ABTB3: variants seen among roughly 807,000 people sequenced by gnomAD.
The protein encoded by ABTB3 is ankyrin repeat- and BTB/POZ domain-containing protein 3.
the ABTB3 span, among the ~76,000 whole-genome samples, chr12:107,519,189 G>A: frequency 1.3e-5 from 2 of 152,228 alleles, no homozygotes; most frequent in African/African-American, 2.4e-5. Context: ...CTAAGCTGCA[G>A]GCCGGTTCTG....
chr12:107,649,214 G>T, the ABTB3 span: 6 of 1,612,588 alleles, frequency 3.7e-6, no homozygotes, highest in Non-Finnish European at 5.1e-6. Context: ...AGCTGGTTAT[G>T]CAGTATCTCT....
chr12:107,567,151 G>A, the ABTB3 span, among the ~76,000 whole-genome samples: 4 of 152,190 alleles, frequency 2.6e-5, no homozygotes, highest in African/African-American at 9.7e-5. Flanking sequence ...TCAAGTCAAG[G>A]GAAAGGGAAA....
chr12:107,437,378 C>T, the ABTB3 span, among the ~76,000 whole-genome samples: 1 of 145,516 alleles, frequency 6.9e-6, no homozygotes, highest in African/African-American at 2.6e-5. Flanking sequence ...TCAAATCTCC[C>T]TCTGCTTTTC....
chr12:107,376,983 G>C, the ABTB3 span, among the ~76,000 whole-genome samples: 1 of 152,116 alleles, frequency 6.6e-6, no homozygotes, highest in Non-Finnish European at 1.5e-5. Flanking sequence ...TGAAGAAAAA[G>C]CGTCAGTGGC....
chr12:107,588,755 A>G, the ABTB3 span, among the ~76,000 whole-genome samples: 2 of 152,188 alleles, frequency 1.3e-5, no homozygotes, highest in Middle Eastern at 3.2e-3. Flanking sequence ...TCCTGACCTC[A>G]GCTAATCCAC....
At chr12:107,390,266 T>C in the ABTB3 span, among the ~76,000 whole-genome samples, 1 of 152,252 alleles carries the variant, frequency 6.6e-6, no homozygotes, top group South Asian at 2.1e-4. Context: ...TTGTATTTAA[T>C]GCTCCCACCA....
chr12:107,532,393 A>G, the ABTB3 span, among the ~76,000 whole-genome samples: 2 of 152,130 alleles, frequency 1.3e-5, no homozygotes, highest in Admixed American at 1.3e-4. Context: ...AAACAACTAC[A>G]GTCTAAGCTA....
At chr12:107,331,539 A>G in the ABTB3 span, among the ~76,000 whole-genome samples, 2 of 152,276 alleles carry the variant, frequency 1.3e-5, no homozygotes, top group South Asian at 2.1e-4. Context: ...CCAGGCATTC[A>G]GAGGTGGAAG....
At chr12:107,477,654 T>G in the ABTB3 span, among the ~76,000 whole-genome samples, 37 of 152,334 alleles carry the variant, frequency 2.4e-4, no homozygotes, top group African/African-American at 8.7e-4. Context: ...GATTCTATTC[T>G]ATTTTATGCA....
chr12:107,617,531 G>A, the ABTB3 span: 7 of 1,491,746 alleles, frequency 4.7e-6, no homozygotes, highest in East Asian at 1.2e-4. Context: ...CTCTCTGGAT[G>A]TGGGGCCCAG....
chr12:107,504,617 A>G, the ABTB3 span, among the ~76,000 whole-genome samples: 1 of 152,216 alleles, frequency 6.6e-6, no homozygotes. Flanking sequence ...TTCTTGGGTG[A>G]CTCAGGATCT....
chr12:107,605,079 G>A, the ABTB3 span, among the ~76,000 whole-genome samples: 1 of 152,224 alleles, frequency 6.6e-6, no homozygotes, highest in African/African-American at 2.4e-5. Context: ...TAATGCATAT[G>A]GTAATTAGTT....
At chr12:107,480,300 T>G in the ABTB3 span, among the ~76,000 whole-genome samples, 3 of 152,194 alleles carry the variant, frequency 2.0e-5, no homozygotes, top group East Asian at 3.9e-4. Context: ...AATGTTATCC[T>G]ATAGGAAACA....
the ABTB3 span, among the ~76,000 whole-genome samples, chr12:107,332,967 A>G: frequency 1.3e-5 from 2 of 152,362 alleles, no homozygotes; most frequent in Admixed American, 6.5e-5. Flanking sequence ...TGCTTAGGCC[A>G]GAAAGAAGTT....
the ABTB3 span, among the ~76,000 whole-genome samples, chr12:107,620,560 G>A: frequency 6.6e-6 from 1 of 152,152 alleles, no homozygotes; most frequent in East Asian, 1.9e-4. Flanking sequence ...TGGGTACCCT[G>A]AGGTGCTGTG....
the ABTB3 span, among the ~76,000 whole-genome samples, chr12:107,532,235 A>G: frequency 0.097 from 14,823 of 152,246 alleles, 784 homozygotes; most frequent in Non-Finnish European, 0.12. Flanking sequence ...CCCAGGACAG[A>G]CCCAACCAGG....
chr12:107,409,501 T>C, the ABTB3 span, among the ~76,000 whole-genome samples: 4 of 152,200 alleles, frequency 2.6e-5, no homozygotes, highest in Non-Finnish European at 5.9e-5. Context: ...AGTGAATATA[T>C]ACACCATGGA....
chr12:107,484,444 C>T, the ABTB3 span, among the ~76,000 whole-genome samples: 3 of 152,122 alleles, frequency 2.0e-5, no homozygotes, highest in Non-Finnish European at 4.4e-5. Flanking sequence ...AATAAAGTGA[C>T]TAGGATGCGT....
At chr12:107,394,141 A>G in the ABTB3 span, among the ~76,000 whole-genome samples, 1 of 152,076 alleles carries the variant, frequency 6.6e-6, no homozygotes, top group Non-Finnish European at 1.5e-5. Flanking sequence ...CATCACCCAA[A>G]CAGGTTTCCC....
Sources: gnomAD v4.1 joint callset for allele counts (sites outside exome capture counted in the v4.1 genomes callset) on GRCh38, gnomAD v4.1.1 for gene constraint, MANE v1.5 for transcripts, NCBI Gene and HGNC (gene_info 2026-07-23, HGNC 2026-07-21) for gene names.